KAZN: variants seen among roughly 807,000 people sequenced by gnomAD.
The protein encoded by KAZN is kazrin.
Under a neutral mutation model 87.4 loss-of-function variants are expected in KAZN, and 40 were observed. That is an observed-to-expected ratio of 0.46 (90% CI 0.36 to 0.60). The LOEUF (loss-of-function observed/expected upper bound fraction) is 0.60, where lower values mean the gene tolerates loss of function less well. Ranked by LOEUF, KAZN falls within the 20% of genes least tolerant of loss-of-function variation. The pLI is 0.00. For missense variants in KAZN, 898 were observed against 1,073.9 expected, an observed-to-expected ratio of 0.84 and a Z score of 2.29; for synonymous variants, 466 against 458.3, an observed-to-expected ratio of 1.02 and a Z score of -0.22.
intron 1 of KAZN, among the ~76,000 whole-genome samples, chr1:14,022,818 G>A (rs933365067): frequency 5.9e-5 from 9 of 152,148 alleles, no homozygotes; most frequent in Non-Finnish European, 1.3e-4. Flanking sequence ...TTGAAAGAGA[G>A]CTAGGTGGGG....
chr1:14,563,625 T>G (rs1401946592), intron 2 of KAZN, among the ~76,000 whole-genome samples: 1 of 151,992 alleles, frequency 6.6e-6, no homozygotes, highest in Non-Finnish European at 1.5e-5. Context: ...CAGTCACTCA[T>G]CCCCATCAAG....
intron 1 of KAZN, among the ~76,000 whole-genome samples, chr1:14,952,051 G>T (rs574294401): frequency 3.9e-5 from 6 of 152,134 alleles, no homozygotes; most frequent in Non-Finnish European, 8.8e-5. Flanking sequence ...ACCCTACATG[G>T]GGTCATGAGA....
intron 2 of KAZN, among the ~76,000 whole-genome samples, chr1:14,315,277 A>G (rs540700899): frequency 2.6e-5 from 4 of 152,242 alleles, no homozygotes; most frequent in South Asian, 4.1e-4. Flanking sequence ...GCCCTAGCAC[A>G]GTGTCTGGCA....
At chr1:15,017,875 CCTCTGGCATGT>C (rs1222528047) in intron 2 of KAZN, among the ~76,000 whole-genome samples, 5 of 152,176 alleles carry the variant, frequency 3.3e-5, no homozygotes, top group African/African-American at 1.2e-4. Context: ...CATAAGCCTG[CCTCTGGCATGT>C]GATCATTAGA....
In KAZN at chr1:14,259,226, C is replaced by G. The variant is rs112199743; in HGVS notation, c.249+78634C>G. 7.3e-3 allele frequency among the ~76,000 whole-genome samples: 1,118 copies of G among 152,164 alleles called. 16 individuals carry two copies. The highest frequency in any genetic ancestry group is 0.024 in the African/African-American group (989 of 41,516). ...TCGGATTCAGAGAGTATGCTGGGAGCACGTGTGCAACTCCACTGGGACAGT... is the reference window on the plus strand; with the variant it reads ...TCGGATTCAGAGAGTATGCTGGGAGGACGTGTGCAACTCCACTGGGACAGT... On this transcript the variant is annotated intron_variant, in intron 2 of 16. Transcript: ENST00000636203.
chr1:14,716,558 A>G (rs1249802785), intron 1 of KAZN, among the ~76,000 whole-genome samples: 3 of 152,108 alleles, frequency 2.0e-5, no homozygotes, highest in Non-Finnish European at 4.4e-5. Flanking sequence ...CTTGTGCTCT[A>G]ATCCATCCTG....
At chr1:14,922,899 G>C (rs368130846) in intron 1 of KAZN, among the ~76,000 whole-genome samples, 1 of 152,138 alleles carries the variant, frequency 6.6e-6, no homozygotes, top group Non-Finnish European at 1.5e-5. Flanking sequence ...ATGCGGGGGC[G>C]GGGGGAAGCT....
At chr1:14,352,997 A>G (rs140849507) in intron 2 of KAZN, among the ~76,000 whole-genome samples, 1 of 152,310 alleles carries the variant, frequency 6.6e-6, no homozygotes, top group Non-Finnish European at 1.5e-5. Flanking sequence ...AAATCCACAT[A>G]ACTAGGGATA....
At chr1:14,739,778 C>T (rs1178508982) in intron 1 of KAZN, among the ~76,000 whole-genome samples, 1 of 151,978 alleles carries the variant, frequency 6.6e-6, no homozygotes, top group Non-Finnish European at 1.5e-5. Flanking sequence ...CTTCGAATTT[C>T]CTCACTTAGA....
In KAZN at chr1:14,564,748, G is replaced by T. The variant is rs576893893; in HGVS notation, c.250-34235G>T. Among the ~76,000 whole-genome samples, 3 of 152,202 alleles carry T rather than the reference G, an allele frequency of 2.0e-5. No individual in the cohort carries two copies. The East Asian group carries it at 5.8e-4, about 29-fold the overall frequency. On this transcript the variant is annotated intron_variant, in intron 2 of 16. Transcript: ENST00000636203. ...GAATTGCTTGAACCTGGGCAGCAGA[G>T]ATTGCAGTGAGCCGAGATCATACCA...
At chr1:14,977,119 G>T (rs1326345022) in intron 2 of KAZN, among the ~76,000 whole-genome samples, 1 of 152,184 alleles carries the variant, frequency 6.6e-6, no homozygotes, top group South Asian at 2.1e-4. Context: ...GGACTGAAAA[G>T]GCCATGGAGT....
rs140162112 is a variant in KAZN at position 14,891,210 on chromosome 1, A to G, written c.227-69474A>G. ...TGGGGAACGGGCGGTGTCTGGTTAC[A>G]TGAGTACGTTCTTTAGTGGTGATTT... On this transcript the variant is annotated intron_variant, in intron 1 of 14. Transcript: ENST00000376030. Among the ~76,000 whole-genome samples, 651 of 152,204 alleles carry G rather than the reference A, an allele frequency of 4.3e-3. 24 individuals carry two copies. The East Asian group carries it at 0.064, about 15-fold the overall frequency.
chr1:13,958,931 G>A (rs896905025), intron 1 of KAZN, among the ~76,000 whole-genome samples: 4 of 152,164 alleles, frequency 2.6e-5, no homozygotes, highest in East Asian at 1.9e-4. Context: ...AGGTCTGACC[G>A]CAGCTAAGAA....
intron 1 of KAZN, among the ~76,000 whole-genome samples, chr1:14,959,177 C>T (rs780436027): frequency 1.3e-5 from 2 of 152,138 alleles, no homozygotes; most frequent in Non-Finnish European, 2.9e-5. Flanking sequence ...AGCCCTGCAC[C>T]CCCACCCGCC....
chr1:13,935,224 C>T lies in KAZN; in HGVS notation c.91+41468C>T, dbSNP rs564608687. 2.6e-3 allele frequency among the ~76,000 whole-genome samples: 226 copies of T among 85,502 alleles called. 1 individual carries two copies. Among genetic ancestry groups the T allele is most frequent in the African/African-American group, 8.3e-3 (181 of 21,864 alleles). 56.1% of individuals were successfully genotyped at this position (85,502 alleles called of 152,430 possible). A position where few individuals can be genotyped will look rare whatever the true frequency, so the allele number is the denominator to read the frequency against. Reference sequence around the variant, plus strand: ...TGCACTCCAGCCTGGGCAGCAAGAGCGAAACTCCGTATCAAATAGTAGTAG... The same window carrying T: ...TGCACTCCAGCCTGGGCAGCAAGAGTGAAACTCCGTATCAAATAGTAGTAG... On this transcript the variant is annotated intron_variant, in intron 1 of 16. Coordinates refer to the KAZN transcript ENST00000636203.
chr1:14,761,625 T>C (rs1479601481), intron 1 of KAZN, among the ~76,000 whole-genome samples: 3 of 152,230 alleles, frequency 2.0e-5, no homozygotes, highest in East Asian at 3.9e-4. Context: ...GTGATTATCT[T>C]GGTTGTAAAG....
At chr1:14,940,086 A>G (rs1020025302) in intron 1 of KAZN, among the ~76,000 whole-genome samples, 4 of 152,208 alleles carry the variant, frequency 2.6e-5, no homozygotes, top group African/African-American at 9.6e-5. Context: ...GCCATGGATC[A>G]GGTGACCATC....
chr1:14,603,431 A>G (rs1377566895), intron 1 of KAZN, among the ~76,000 whole-genome samples: 2 of 152,010 alleles, frequency 1.3e-5, no homozygotes, highest in African/African-American at 4.8e-5. Flanking sequence ...TTCTCCCTGA[A>G]AATTGTCATG....
intron 4 of KAZN, among the ~76,000 whole-genome samples, chr1:15,055,131 T>C (rs963622314): frequency 6.6e-6 from 1 of 152,198 alleles, no homozygotes; most frequent in African/African-American, 2.4e-5. Context: ...TTTCTTACAA[T>C]CGGACTTGAA....
Sources: allele counts gnomAD v4.1 joint callset (sites outside exome capture counted in the v4.1 genomes callset), GRCh38; gene constraint gnomAD v4.1.1; transcripts MANE v1.5; gene names NCBI Gene and HGNC (gene_info 2026-07-23, HGNC 2026-07-21).